Variants in CHCHD6 observed in about 807,000 individuals in gnomAD.
CHCHD6 encodes coiled-coil-helix-coiled-coil-helix domain containing 6.
Under a neutral mutation model 32.3 loss-of-function variants are expected in CHCHD6, and 28 were observed. That is an observed-to-expected ratio of 0.87 (90% CI 0.64 to 1.19). CHCHD6 has a LOEUF of 1.19. Among genes scored for constraint, CHCHD6 ranks in the 50% most tolerant of loss-of-function variants. CHCHD6 has a pLI of 0.00. For missense variants in CHCHD6, 333 were observed against 307.0 expected (o/e 1.08, Z -0.63); for synonymous variants, 122 against 117.5 (o/e 1.04, Z -0.25).
chr3:126,847,688 A>G lies in CHCHD6; in HGVS notation c.412-4959A>G, dbSNP rs116319852. Among the ~76,000 whole-genome samples the G allele has an allele frequency of 9.8e-4, 149 of 152,194 alleles. 1 individual carries two copies. Among genetic ancestry groups the G allele is most frequent in the African/African-American group, 3.3e-3 (139 of 41,524 alleles). ...GCTTTTTGTGGTAACCAATTTACTT[A>G]CACTTATTTCTATAATTTTATTTGG... On this transcript the variant is annotated intron_variant, in intron 4 of 7. Transcript: ENST00000290913.
intron 5 of CHCHD6, among the ~76,000 whole-genome samples, chr3:126,881,746 T>C (rs2077613222): frequency 6.6e-6 from 1 of 152,206 alleles, no homozygotes; most frequent in African/African-American, 2.4e-5. Flanking sequence ...ACTTAATGAC[T>C]ATTGATTAAA....
At chr3:126,747,141 C>G (rs1188177042) in intron 4 of CHCHD6, among the ~76,000 whole-genome samples, 1 of 152,224 alleles carries the variant, frequency 6.6e-6, no homozygotes, top group Non-Finnish European at 1.5e-5. Flanking sequence ...CTTTGTTTTT[C>G]TCTTCATCTC....
chr3:126,707,195 G>T (rs531865557), intron 1 of CHCHD6, among the ~76,000 whole-genome samples: 1 of 151,920 alleles, frequency 6.6e-6, no homozygotes, highest in Non-Finnish European at 1.5e-5. Context: ...GAACCCAGGA[G>T]GGGGAGGTTG....
chr3:126,780,861 T>C (rs1266599691), intron 4 of CHCHD6, among the ~76,000 whole-genome samples: 4 of 152,220 alleles, frequency 2.6e-5, no homozygotes, highest in African/African-American at 4.8e-5. Flanking sequence ...AATGCTGATA[T>C]AGTGTGCTAT....
chr3:126,865,255 C>T (rs138070567), intron 5 of CHCHD6, among the ~76,000 whole-genome samples: 2 of 151,816 alleles, frequency 1.3e-5, no homozygotes, highest in Non-Finnish European at 2.9e-5. Flanking sequence ...TCTACCTTGA[C>T]ATCTACGTTC....
At chr3:126,810,812 C>T (rs572203790) in intron 4 of CHCHD6, among the ~76,000 whole-genome samples, 1 of 152,178 alleles carries the variant, frequency 6.6e-6, no homozygotes, top group South Asian at 2.1e-4. Context: ...ATCATACTAC[C>T]GTGTAAATGG....
At chr3:126,715,328 G>C (rs892082481) in intron 1 of CHCHD6, among the ~76,000 whole-genome samples, 1 of 152,158 alleles carries the variant, frequency 6.6e-6, no homozygotes, top group South Asian at 2.1e-4. Flanking sequence ...AGTGGCGATC[G>C]CTGCACAGGG....
intron 5 of CHCHD6, among the ~76,000 whole-genome samples, chr3:126,901,255 A>G (rs748536447): frequency 5.9e-5 from 9 of 152,202 alleles, no homozygotes; most frequent in Non-Finnish European, 1.2e-4. Flanking sequence ...GGCTTCACCC[A>G]TAAACTGCTA....
intron 5 of CHCHD6, among the ~76,000 whole-genome samples, chr3:126,862,418 CCAT>C (rs1941953269): frequency 7.5e-6 from 1 of 133,516 alleles, no homozygotes; most frequent in Non-Finnish European, 1.6e-5. Flanking sequence ...TCCTCCTCCA[CCAT>C]CACCACCTCC....
chr3:126,865,693 C>G (rs1942267392), intron 5 of CHCHD6: 1 of 985,270 alleles, frequency 1.0e-6, no homozygotes, highest in African/African-American at 1.7e-5. Flanking sequence ...TCCATTACCA[C>G]CACATATTAC....
At chr3:126,823,904 A>AACAAAAACAAAAACAAAC (rs1553742964) in intron 4 of CHCHD6, among the ~76,000 whole-genome samples, 1 of 151,228 alleles carries the variant, frequency 6.6e-6, no homozygotes, top group Non-Finnish European at 1.5e-5. Flanking sequence ...CAAAAACAAA[A>AACAAAAACAAAAACAAAC]ACACACACAC....
intron 5 of CHCHD6, among the ~76,000 whole-genome samples, chr3:126,856,948 T>G (rs1941685202): frequency 6.6e-6 from 1 of 152,358 alleles, no homozygotes; most frequent in East Asian, 1.9e-4. Flanking sequence ...AGGACTAACC[T>G]GCCAGCTGTT....
At chr3:126,726,392 G>A (rs984379123) in intron 1 of CHCHD6, among the ~76,000 whole-genome samples, 7 of 152,168 alleles carry the variant, frequency 4.6e-5, no homozygotes, top group Non-Finnish European at 8.8e-5. Flanking sequence ...AACATGAAAT[G>A]TCACTGATCA....
chr3:126,895,948 T>C (rs979460056), intron 5 of CHCHD6, among the ~76,000 whole-genome samples: 6 of 152,238 alleles, frequency 3.9e-5, no homozygotes, highest in African/African-American at 1.4e-4. Context: ...CTCTGGCTTA[T>C]GGTGTGCTAG....
chr3:126,957,688 A>G lies in CHCHD6; in HGVS notation c.702+137A>G, dbSNP rs114060977. The G allele has an allele frequency of 1.5e-3, 1,628 of 1,100,580 alleles. 14 individuals are homozygous for G. The African/African-American group carries it at 0.023, about 15-fold the overall frequency. The allele number at this position is 1,100,580 out of a possible 1,614,324, so 68.2% of individuals were successfully genotyped here. A position where few individuals can be genotyped will look rare whatever the true frequency, so the allele number is the denominator to read the frequency against. Reference sequence around the variant, plus strand: ...CACTTGGAGGTCTCTGCATTTGCCAAGGGAGGGATTCTTCGCTTTCCTCAG... The same window carrying G: ...CACTTGGAGGTCTCTGCATTTGCCAGGGGAGGGATTCTTCGCTTTCCTCAG... On this transcript the variant is annotated intron_variant, in intron 7 of 7. Coordinates refer to ENST00000290913, the MANE Select transcript of CHCHD6 (RefSeq NM_032343.3).
chr3:126,925,684 T>G (rs1232726017), intron 6 of CHCHD6, among the ~76,000 whole-genome samples: 1 of 152,196 alleles, frequency 6.6e-6, no homozygotes, highest in African/African-American at 2.4e-5. Context: ...GGAAGTATCA[T>G]AGTGGTTTTC....
intron 4 of CHCHD6, among the ~76,000 whole-genome samples, chr3:126,781,760 C>T (rs2107681335): frequency 6.6e-6 from 1 of 152,356 alleles, no homozygotes; most frequent in East Asian, 1.9e-4. Flanking sequence ...TTCATTCTTG[C>T]CATTCCCTCC....
At chr3:126,747,544 T>C (rs1936554937) in intron 4 of CHCHD6, among the ~76,000 whole-genome samples, 1 of 152,246 alleles carries the variant, frequency 6.6e-6, no homozygotes, top group Non-Finnish European at 1.5e-5. Flanking sequence ...TTCTGGATCA[T>C]GTTTCTCAGT....
chr3:126,900,974 C>T (rs1291261173), intron 5 of CHCHD6, among the ~76,000 whole-genome samples: 1 of 152,028 alleles, frequency 6.6e-6, no homozygotes, highest in Non-Finnish European at 1.5e-5. Context: ...GGCACTAAGC[C>T]ATTCATGGGG....
Sources: allele counts gnomAD v4.1 joint callset (sites outside exome capture counted in the v4.1 genomes callset), GRCh38; gene constraint gnomAD v4.1.1; transcripts MANE v1.5; gene names NCBI Gene and HGNC (gene_info 2026-07-23, HGNC 2026-07-21).